MCTP2: variants seen among roughly 807,000 people sequenced by gnomAD.
MCTP2 encodes multiple C2 and transmembrane domain-containing protein 2.
MCTP2 carries 132 observed loss-of-function variants against 111.6 expected under a neutral mutation model. The observed-to-expected ratio is 1.18, with a 90% CI of 1.03 to 1.37. MCTP2 has a LOEUF of 1.37. MCTP2 is among the 40% of genes most tolerant of loss of function. The pLI is 0.00. For synonymous variants in MCTP2, 395 were observed against 387.7 expected, an observed-to-expected ratio of 1.02 and a Z score of -0.22; for missense variants, 1,183 against 1,067.9, an observed-to-expected ratio of 1.11 and a Z score of -1.50.
intron 1 of MCTP2, among the ~76,000 whole-genome samples, chr15:94,245,293 T>C (rs1040436099): frequency 1.4e-5 from 2 of 142,834 alleles, no homozygotes; most frequent in South Asian, 2.2e-4. Context: ...CACATATGTA[T>C]ATATTTATAT....
At position 94,422,852 on chromosome 15, in the gene MCTP2, A is replaced by G. The variant is rs7173896; in HGVS notation, c.2086-17324A>G. On this transcript the variant is annotated intron_variant, in intron 17 of 22. Transcript: ENST00000357742. ...CCTCCTTCCCACTAAACTATCAGTC[A>G]TCGTCTTTTTTCTTTTTTCTTCTGT... Among the ~76,000 whole-genome samples, 1,207 of 152,144 alleles carry G rather than the reference A, an allele frequency of 7.9e-3. 11 individuals carry two copies. The highest frequency in any genetic ancestry group is 0.028 in the African/African-American group (1,159 of 41,498).
chr15:94,449,516 C>T (rs772861886), intron 19 of MCTP2, among the ~76,000 whole-genome samples: 2 of 152,098 alleles, frequency 1.3e-5, no homozygotes, highest in African/African-American at 4.8e-5. Context: ...ATTATTTTGC[C>T]AATGTTTATT....
intron 8 of MCTP2, 21 bp from the exon 9 acceptor site, chr15:94,356,116 C>A: frequency 6.6e-7 from 1 of 1,521,612 alleles, no homozygotes; most frequent in South Asian, 1.4e-5. Flanking sequence ...GTTTACATGT[C>A]ATCTTTATTT....
intron 14 of MCTP2, among the ~76,000 whole-genome samples, chr15:94,391,427 C>G (rs2080969954): frequency 6.6e-6 from 1 of 152,094 alleles, no homozygotes; most frequent in Non-Finnish European, 1.5e-5. Flanking sequence ...AAAAGTAAAT[C>G]TGTTGCCAAG....
intron 1 of MCTP2, among the ~76,000 whole-genome samples, chr15:94,242,977 A>C (rs2071115984): frequency 1.0e-5 from 1 of 98,868 alleles, no homozygotes; most frequent in African/African-American, 4.0e-5. Flanking sequence ...ATGTGTATCT[A>C]CACATACACG....
chr15:94,449,485 T>C (rs1015581089), intron 19 of MCTP2, among the ~76,000 whole-genome samples: 1 of 152,224 alleles, frequency 6.6e-6, no homozygotes. Context: ...CTGTCATTAA[T>C]TTATTGGTTC....
intron 7 of MCTP2, chr15:94,343,713 G>T (rs1443809757): frequency 6.6e-6 from 1 of 152,134 alleles, no homozygotes; most frequent in Non-Finnish European, 1.5e-5. Context: ...CAGTGGTCTG[G>T]TTAACTCAAA....
intron 4 of MCTP2, among the ~76,000 whole-genome samples, chr15:94,336,691 ATATG>A (rs1555454771): frequency 6.6e-6 from 1 of 150,830 alleles, no homozygotes; most frequent in Non-Finnish European, 1.5e-5. Context: ...ATATATATAT[ATATG>A]TATGTATGTG....
intron 4 of MCTP2, among the ~76,000 whole-genome samples, chr15:94,324,593 C>A (rs2152380975): frequency 6.6e-6 from 1 of 152,246 alleles, no homozygotes. Flanking sequence ...TCTCAATTTC[C>A]AGCACAGGTA....
In MCTP2 at chr15:94,374,027, G is replaced by A. The variant is rs371607489; in HGVS notation, c.1582+3847G>A. On this transcript the variant is annotated intron_variant, in intron 12 of 22. Transcript: ENST00000357742. ...AGGTATTTTAAGAAGAAAACAACTCGCGTTCTAATGATTAACTGAAAAAGA... is the reference window on the plus strand; with the variant it reads ...AGGTATTTTAAGAAGAAAACAACTCACGTTCTAATGATTAACTGAAAAAGA... Among the ~76,000 whole-genome samples the A allele has an allele frequency of 1.6e-4, 24 of 152,146 alleles. No individual in the cohort carries two copies. In the East Asian group the frequency reaches 2.5e-3, roughly 16 times the overall value.
intron 17 of MCTP2, among the ~76,000 whole-genome samples, chr15:94,436,754 T>G (rs2083498046): frequency 1.3e-5 from 2 of 152,200 alleles, no homozygotes; most frequent in South Asian, 2.1e-4. Flanking sequence ...TATGTCAGCC[T>G]CTTCTTACTT....
At chr15:94,409,269 T>A (rs2082042732) in intron 17 of MCTP2, among the ~76,000 whole-genome samples, 1 of 152,128 alleles carries the variant, frequency 6.6e-6, no homozygotes, top group African/African-American at 2.4e-5. Context: ...CTCCTGCCCT[T>A]GAACATCGGA....
intron 1 of MCTP2, among the ~76,000 whole-genome samples, chr15:94,262,230 A>G (rs2073227208): frequency 6.6e-6 from 1 of 152,208 alleles, no homozygotes; most frequent in African/African-American, 2.4e-5. Context: ...ATTAAATATA[A>G]CATTTCATGA....
At chr15:94,385,763 C>T (rs1316416070) in intron 14 of MCTP2, among the ~76,000 whole-genome samples, 2 of 152,104 alleles carry the variant, frequency 1.3e-5, no homozygotes, top group African/African-American at 4.8e-5. Flanking sequence ...ACATTTTGAC[C>T]AGTTTTTCAA....
intron 16 of MCTP2, among the ~76,000 whole-genome samples, chr15:94,401,030 T>G (rs921819055): frequency 6.6e-6 from 1 of 152,142 alleles, no homozygotes; most frequent in Non-Finnish European, 1.5e-5. Context: ...TGGGTTGAGG[T>G]GGGTGGGGTA....
chr15:94,447,392 G>GTGTT (rs1285115052), intron 19 of MCTP2, among the ~76,000 whole-genome samples: 7 of 152,174 alleles, frequency 4.6e-5, no homozygotes, highest in Admixed American at 2.0e-4. Context: ...TGTGTGTGTT[G>GTGTT]TGTTTGTTTG....
intron 14 of MCTP2, among the ~76,000 whole-genome samples, chr15:94,395,875 T>G (rs995751586): frequency 6.6e-6 from 1 of 152,174 alleles, no homozygotes; most frequent in African/African-American, 2.4e-5. Flanking sequence ...TACTGACCGA[T>G]TGAACCAGGG....
chr15:94,327,864 C>T (rs1246043729), intron 4 of MCTP2, among the ~76,000 whole-genome samples: 1 of 152,168 alleles, frequency 6.6e-6, no homozygotes, highest in Non-Finnish European at 1.5e-5. Flanking sequence ...TGTTTTGGGA[C>T]TCTGTGCAGT....
At chr15:94,341,298 C>T (rs537768828) in intron 7 of MCTP2, 2 of 187,386 alleles carry the variant, frequency 1.1e-5, no homozygotes, top group East Asian at 2.6e-4. Context: ...TGATACAGTA[C>T]CTATCAAAGA....
Sources: gnomAD v4.1 joint callset for allele counts (sites outside exome capture counted in the v4.1 genomes callset) on GRCh38, gnomAD v4.1.1 for gene constraint, MANE v1.5 for transcripts, NCBI Gene and HGNC (gene_info 2026-07-23, HGNC 2026-07-21) for gene names.